Variants in PNPLA7 observed in about 807,000 individuals in gnomAD.
PNPLA7 encodes the protein patatin-like phospholipase domain-containing protein 7.
A neutral mutation model predicts 161.7 loss-of-function variants in PNPLA7; 153 were observed. That is an observed-to-expected ratio of 0.95 (90% confidence interval 0.83 to 1.08). The LOEUF is 1.08. Among genes scored for constraint, PNPLA7 ranks in the 50% least tolerant of loss-of-function variants. The probability of loss-of-function intolerance (pLI) is 0.00; values close to 1 mark genes in which losing one functional copy is unlikely to be tolerated. For synonymous variants in PNPLA7, 809 were observed against 782.1 expected (o/e 1.03, Z -0.57); for missense variants, 1,739 against 1,856.6 (o/e 0.94, Z 1.16).
At chr9:137,522,298 T>C (rs1835054945) in intron 9 of PNPLA7, among the ~76,000 whole-genome samples, 2 of 150,382 alleles carry the variant, frequency 1.3e-5, no homozygotes, top group African/African-American at 2.5e-5. Context: ...ATGGTCTCGA[T>C]CTCCTGACCT....
chr9:137,511,681 GGA>G (rs1198531381), intron 12 of PNPLA7, among the ~76,000 whole-genome samples: 2 of 152,234 alleles, frequency 1.3e-5, no homozygotes, highest in East Asian at 3.8e-4. Context: ...CGCAGTCATT[GGA>G]GGCTTCAACG....
intron 21 of PNPLA7, among the ~76,000 whole-genome samples, chr9:137,484,017 C>T (rs1333895121): frequency 6.6e-6 from 1 of 151,966 alleles, no homozygotes; most frequent in Admixed American, 6.6e-5. Context: ...CTCACTGCAA[C>T]CTCTATCTCC....
intron 14 of PNPLA7, among the ~76,000 whole-genome samples, chr9:137,503,535 G>C (rs1241673497): frequency 5.6e-5 from 7 of 124,468 alleles, no homozygotes; most frequent in Admixed American, 8.1e-5. Context: ...AGAAGGAGGA[G>C]GGGGAAGGAG....
rs368593842 is a variant in PNPLA7 at position 137,543,717 on chromosome 9, A to C, written c.365+7T>G. 4 of 1,613,776 alleles carry C rather than the reference A, an allele frequency of 2.5e-6. No individual in the cohort carries two copies. In the African/African-American group the frequency reaches 5.3e-5, roughly 22 times the overall value. ...GGGCAGGATGTGGTCTGAAGGACAC[A>C]CAGTACCTCTTGGCCAAAGACAGCA... On this transcript the variant is annotated splice_region_variant and intron_variant, in intron 5 of 34. Coordinates refer to ENST00000406427, the MANE Select transcript of PNPLA7 (RefSeq NM_001098537.3). This position sits in a 1 kb window ranked among gnomAD's most constrained non-coding sequence, Gnocchi z 6.9.
chr9:137,521,598 G>A, intron 10 of PNPLA7, 38 bp downstream of exon 10: 5 of 1,596,100 alleles, frequency 3.1e-6, no homozygotes, highest in Non-Finnish European at 3.4e-6. Flanking sequence ...CCAGCTGCAT[G>A]GAGCAGCATG....
chr9:137,526,427 G>A lies in PNPLA7; in HGVS notation c.748-3570C>T, dbSNP rs527434677. ...CAAGTAGCTGGGACTACAGGCGCCC[G>A]CCACCATGCCAGGTTAATGTTTTGT... is the stretch of plus-strand genomic sequence containing the variant. On this transcript the variant is annotated intron_variant, in intron 8 of 34. Coordinates refer to ENST00000406427, the MANE Select transcript of PNPLA7 (RefSeq NM_001098537.3). Among the ~76,000 whole-genome samples the A allele has an allele frequency of 4.6e-5, 7 of 152,294 alleles. No individual in the cohort carries two copies. The South Asian group carries it at 8.3e-4, about 18-fold the overall frequency.
chr9:137,479,274 G>A (rs1243782850), intron 23 of PNPLA7, 36 bp from the exon 24 acceptor site: 9 of 1,491,314 alleles, frequency 6.0e-6, no homozygotes, highest in Non-Finnish European at 8.1e-6. Flanking sequence ...CCAGCCGGGT[G>A]AGCCTGGGAC....
intron 31 of PNPLA7, 56 bp downstream of exon 31, chr9:137,462,123 G>A: frequency 1.3e-6 from 2 of 1,524,562 alleles, no homozygotes; most frequent in Non-Finnish European, 1.8e-6. Context: ...AGCGAGGAGG[G>A]GCAGCCACCA....
At chr9:137,471,155 T>G (rs1429486212) in intron 25 of PNPLA7, among the ~76,000 whole-genome samples, 1 of 152,178 alleles carries the variant, frequency 6.6e-6, no homozygotes, top group African/African-American at 2.4e-5. Flanking sequence ...TCTCAGAAAA[T>G]TTAACTATGT....
Position 137,520,752 on chromosome 9 carries a change from G to A in PNPLA7, c.958-709C>T, listed in dbSNP as rs909533032. On this transcript the variant is annotated intron_variant, in intron 10 of 34. Transcript: ENST00000406427. The surrounding 1 kb of genome is among the most constrained non-coding windows in gnomAD (Gnocchi z 5.2). Reference sequence around the variant, plus strand: ...GCCAAGTGCCTCCCAGGGTCACACCGCCAGGAGGAGGGAGAGCCGGGGTTG... The same window carrying A: ...GCCAAGTGCCTCCCAGGGTCACACCACCAGGAGGAGGGAGAGCCGGGGTTG... Among the ~76,000 whole-genome samples the A allele has an allele frequency of 4.6e-5, 7 of 152,224 alleles. No individual in the cohort carries two copies. Among genetic ancestry groups the A allele is most frequent in the African/African-American group, 1.2e-4 (5 of 41,462 alleles).
intron 20 of PNPLA7, among the ~76,000 whole-genome samples, chr9:137,489,152 G>C (rs1272726514): frequency 6.6e-6 from 1 of 152,144 alleles, no homozygotes; most frequent in Non-Finnish European, 1.5e-5. Flanking sequence ...GCCAACTAGA[G>C]GTAGGAGATC....
rs187658151 is a variant in PNPLA7 at position 137,541,970 on chromosome 9, C to T, written c.666+672G>A. On this transcript the variant is annotated intron_variant, in intron 7 of 34. Coordinates refer to ENST00000406427, the MANE Select transcript of PNPLA7 (RefSeq NM_001098537.3). This position sits in a 1 kb window ranked among gnomAD's most constrained non-coding sequence, Gnocchi z 4.4. ...AATTATTTTTTATTTTTTGTAGAGA[C>T]GGGGTCTCACTACTTCGTCCAAGCT... Among the ~76,000 whole-genome samples, 25 of 152,214 alleles carry T rather than the reference C, an allele frequency of 1.6e-4. No homozygotes were observed. The East Asian group carries it at 2.9e-3, about 18-fold the overall frequency.
chr9:137,535,724 G>A (rs1453939619), intron 8 of PNPLA7, among the ~76,000 whole-genome samples: 1 of 148,548 alleles, frequency 6.7e-6, no homozygotes, highest in Non-Finnish European at 1.5e-5. Context: ...TTGCACTCCA[G>A]CCTGGGTGAC....
intron 11 of PNPLA7, among the ~76,000 whole-genome samples, chr9:137,516,776 C>T (rs934396935): frequency 6.6e-6 from 1 of 151,772 alleles, no homozygotes; most frequent in African/African-American, 2.4e-5. Context: ...CAGTACCACA[C>T]CACTGCACTC....
At chr9:137,464,295 G>T in intron 27 of PNPLA7, 45 bp downstream of exon 27, 2 of 1,604,992 alleles carry the variant, frequency 1.2e-6, no homozygotes, top group Non-Finnish European at 1.7e-6. Flanking sequence ...GCCAGGAGGG[G>T]ACAGGCACTG....
At chr9:137,475,529 C>G (rs1206073796) in intron 25 of PNPLA7, among the ~76,000 whole-genome samples, 2 of 152,106 alleles carry the variant, frequency 1.3e-5, no homozygotes, top group Non-Finnish European at 2.9e-5. Context: ...CGCCCGCCAC[C>G]AAGCCTGGCT....
intron 25 of PNPLA7, among the ~76,000 whole-genome samples, chr9:137,475,224 G>A (rs900955437): frequency 6.6e-6 from 1 of 150,678 alleles, no homozygotes; most frequent in African/African-American, 2.4e-5. Flanking sequence ...AGAGTGCAGA[G>A]TCTCAGGCCA....
At chr9:137,530,068 G>A (rs1042534748) in intron 8 of PNPLA7, among the ~76,000 whole-genome samples, 2 of 151,970 alleles carry the variant, frequency 1.3e-5, no homozygotes, top group African/African-American at 2.4e-5. Context: ...GGGTTCAAGC[G>A]ATTCTCCGGC....
At chr9:137,518,637 T>C (rs1226497126) in intron 11 of PNPLA7, among the ~76,000 whole-genome samples, 1 of 48,698 alleles carries the variant, frequency 2.1e-5, no homozygotes, top group Non-Finnish European at 3.8e-5. Context: ...TCCACTCTGC[T>C]CACTCCATCC....
Sources: gnomAD v4.1 joint callset for allele counts (sites outside exome capture counted in the v4.1 genomes callset) on GRCh38, gnomAD v4.1.1 for gene constraint, Gnocchi (gnomAD v3.1) non-coding constraint, MANE v1.5 for transcripts, NCBI Gene and HGNC (gene_info 2026-07-23, HGNC 2026-07-21) for gene names.